Variants in CA4 observed in about 807,000 individuals in gnomAD.
CA4 encodes the protein carbonic anhydrase 4.
In CA4, 24 loss-of-function variants were observed where a neutral mutation model predicts 34.5. The ratio of observed to expected loss-of-function variants is 0.70; its 90% CI spans 0.50 to 0.98. CA4 has a LOEUF of 0.98. CA4 is among the 50% of genes least tolerant of loss of function. The pLI, the probability that CA4 is intolerant of heterozygous loss-of-function variation, is 0.00. For missense variants in CA4, 394 were observed against 396.7 expected (o/e 0.99, Z 0.06); for synonymous variants, 178 against 170.6 (o/e 1.04, Z -0.34).
In CA4 at chr17:60,158,371, A is replaced by G; in HGVS notation, c.669A>G (p.Ser223=). The G allele has an allele frequency of 6.2e-7, 1 of 1,613,954 alleles. No individual in the cohort carries two copies. Among genetic ancestry groups the G allele is most frequent in the Non-Finnish European group, 8.5e-7 (1 of 1,179,896 alleles). Residue 223 remains serine (S), a synonymous_variant, in exon 7 of 8, where the codon TCA becomes TCG. Transcript: ENST00000300900. ...GGCACTACTTCCGCTACCTGGGCTC[A>G]CTCACCACACCGACCTGCGATGAGA... ...KLRHYFRYLG[S]LTTPTCDEKV... is the part of the protein sequence containing the mutation.
chr17:60,161,292 A>G (rs948840544), downstream of CA4, among the ~76,000 whole-genome samples: 1 of 152,148 alleles, frequency 6.6e-6, no homozygotes. Flanking sequence ...GCGGTCCCCA[A>G]GCCAGGTCAG....
rs2145275322 is a variant in CA4 at position 60,157,775 on chromosome 17, C to T, written c.500C>T (p.Ala167Val). ...QDPEDEIAVL[A>V]FLVEAGTQVN... ...CCTGAAGACGAAATTGCGGTGCTGG[C>T]CTTTCTGGTGGAGGTGGGACTCCCA... Residue 167 changes from alanine to valine, a missense_variant, in exon 5 of 8, where the codon GCC becomes GTC. Ala to Val is a moderately conservative substitution (Grantham distance 64). Transcript: ENST00000300900. The T allele has an allele frequency of 6.2e-7, 1 of 1,613,050 alleles. No homozygotes were observed. Among genetic ancestry groups the T allele is most frequent in the Non-Finnish European group, 8.5e-7 (1 of 1,179,016 alleles).
chr17:60,158,022 C>T (rs1214388397), intron 5 of CA4, 39 bp from the exon 6 acceptor site: 3 of 1,610,260 alleles, frequency 1.9e-6, no homozygotes, highest in South Asian at 1.1e-5. Context: ...ACCACTGGCT[C>T]CCTGCAGACT....
intron 1 of CA4, among the ~76,000 whole-genome samples, chr17:60,151,916 C>T (rs966360171): frequency 5.9e-5 from 9 of 152,144 alleles, no homozygotes; most frequent in Non-Finnish European, 1.0e-4. Flanking sequence ...GACCCCTGGC[C>T]GGGAGCGACT....
intron 5 of CA4, among the ~76,000 whole-genome samples, chr17:60,169,250 C>CA (rs1555574043): frequency 0.037 from 4,531 of 122,760 alleles, 130 homozygotes; most frequent in African/African-American, 0.063. Flanking sequence ...CCCTCTGTCT[C>CA]AAAAAAAAAA....
Position 60,158,272 on chromosome 17 carries a change from C to T in CA4, c.581-11C>T, listed in dbSNP as rs746763266. Reference sequence around the variant, plus strand: ...CACCCTCACTGACAGTGTCCTCTGCCCCTATCTCAGAGATGAGCACTACGA... The same window carrying T: ...CACCCTCACTGACAGTGTCCTCTGCTCCTATCTCAGAGATGAGCACTACGA... On this transcript the variant is annotated splice_polypyrimidine_tract_variant and intron_variant, in intron 6 of 7. Coordinates refer to ENST00000300900, the MANE Select transcript of CA4 (RefSeq NM_000717.5). The T allele has an allele frequency of 5.6e-6, 9 of 1,613,870 alleles. No homozygotes were observed. Among genetic ancestry groups the T allele is most frequent in the East Asian group, 2.2e-5 (1 of 44,872 alleles).
chr17:60,168,037 C>G (rs935171697), intron 5 of CA4, among the ~76,000 whole-genome samples: 27 of 151,896 alleles, frequency 1.8e-4, no homozygotes, highest in African/African-American at 6.3e-4. Flanking sequence ...GTATGACAAG[C>G]TGGGTCCAAG....
intron 1 of CA4, among the ~76,000 whole-genome samples, chr17:60,150,381 A>T (rs978461866): frequency 6.6e-6 from 1 of 152,146 alleles, no homozygotes; most frequent in Non-Finnish European, 1.5e-5. Flanking sequence ...CCTGATAAGG[A>T]TGCGTCTCAG....
intron 5 of CA4, among the ~76,000 whole-genome samples, chr17:60,166,336 T>C (rs1023038674): frequency 6.6e-6 from 1 of 152,210 alleles, no homozygotes; most frequent in Non-Finnish European, 1.5e-5. Flanking sequence ...CTTAAACTCC[T>C]GAGCTCAGGC....
chr17:60,156,041 C>T (rs1349473665), intron 2 of CA4, among the ~76,000 whole-genome samples: 1 of 152,258 alleles, frequency 6.6e-6, no homozygotes, highest in African/African-American at 2.4e-5. Flanking sequence ...GTTCGGGGAA[C>T]CAGCTCCTCC....
At chr17:60,176,897 T>C in the CA4 span, among the ~76,000 whole-genome samples, 994 of 152,260 alleles carry the variant, frequency 6.5e-3, 3 homozygotes, top group Non-Finnish European at 0.011. Flanking sequence ...CAGTTCACAA[T>C]AGGGTTCGTT....
At chr17:60,155,167 T>C in intron 1 of CA4, 147 bp from the exon 2 acceptor site, 1 of 724,284 alleles carries the variant, frequency 1.4e-6, no homozygotes, top group Admixed American at 2.0e-5. Flanking sequence ...TCTCTTTTTC[T>C]GGGCCCTCAA....
intron 5 of CA4, among the ~76,000 whole-genome samples, chr17:60,168,850 T>C (rs1022507962): frequency 6.6e-6 from 1 of 152,090 alleles, no homozygotes; most frequent in African/African-American, 2.4e-5. Flanking sequence ...GAGTGGGTCT[T>C]TGCAGGGGGA....
downstream of CA4, among the ~76,000 whole-genome samples, chr17:60,173,046 G>A (rs2145316721): frequency 6.6e-6 from 1 of 152,170 alleles, no homozygotes; most frequent in South Asian, 2.1e-4. Flanking sequence ...AGGAGGCTGA[G>A]GCAGGAGAAT....
At chr17:60,161,441 A>AC (rs1205240538), downstream of CA4, among the ~76,000 whole-genome samples, 1 of 151,860 alleles carries the variant, frequency 6.6e-6, no homozygotes, top group African/African-American at 2.4e-5. Context: ...CTGGGTGAGG[A>AC]CCCCTTTGGC....
chr17:60,158,265 C>G lies in CA4; in HGVS notation c.581-18C>G, dbSNP rs1481452636. 1.9e-6 allele frequency: 3 copies of G among 1,613,888 alleles called. No individual in the cohort carries two copies. In the African/African-American group the frequency reaches 4.0e-5, roughly 22 times the overall value. On this transcript the variant is annotated intron_variant, in intron 6 of 7. Coordinates refer to ENST00000300900, the MANE Select transcript of CA4 (RefSeq NM_000717.5). The stretch of plus-strand genomic sequence containing the variant: ...CTTCTCCCACCCTCACTGACAGTGT[C>G]CTCTGCCCCTATCTCAGAGATGAGC...
intron 3 of CA4, 188 bp downstream of exon 3, chr17:60,156,903 C>A: frequency 1.5e-6 from 1 of 655,806 alleles, no homozygotes; most frequent in Non-Finnish European, 2.7e-6. Flanking sequence ...TTACTTTTGT[C>A]AGACCAGTCT....
chr17:60,153,932 C>A (rs996436206), intron 1 of CA4, among the ~76,000 whole-genome samples: 1 of 152,154 alleles, frequency 6.6e-6, no homozygotes, highest in East Asian at 1.9e-4. Flanking sequence ...CAGGGAAACT[C>A]CAAAGCCCAA....
At chr17:60,159,000 TG>T (rs1567732463) in intron 7 of CA4, 4 of 594,012 alleles carry the variant, frequency 6.7e-6, no homozygotes, top group Non-Finnish European at 1.2e-5. Context: ...GCGGGCCCCC[TG>T]GGGTGTGAGT....
Sources: gnomAD v4.1 joint callset for allele counts (sites outside exome capture counted in the v4.1 genomes callset) on GRCh38, gnomAD v4.1.1 for gene constraint, MANE v1.5 for transcripts, NCBI Gene and HGNC (gene_info 2026-07-23, HGNC 2026-07-21) for gene names.